Variants in SLC25A13 observed in about 807,000 individuals in gnomAD.
SLC25A13 encodes the protein electrogenic aspartate/glutamate antiporter SLC25A13, mitochondrial.
Under a neutral mutation model 85.5 loss-of-function variants are expected in SLC25A13, and 70 were observed. The ratio of observed to expected loss-of-function variants is 0.82; its 90% confidence interval spans 0.68 to 1.00. The LOEUF (loss-of-function observed/expected upper bound fraction) is 1.00, where lower values mean the gene tolerates loss of function less well. Ranked by LOEUF, SLC25A13 falls within the 50% of genes least tolerant of loss-of-function variation. SLC25A13 has a pLI of 0.00. For synonymous variants in SLC25A13, 259 were observed against 288.7 expected (o/e 0.90, Z 1.04); for missense variants, 765 against 819.8 (o/e 0.93, Z 0.82).
intron 5 of SLC25A13, among the ~76,000 whole-genome samples, chr7:96,208,618 G>A (rs2116715960): frequency 6.6e-6 from 1 of 150,622 alleles, no homozygotes; most frequent in South Asian, 2.1e-4. Flanking sequence ...CCATTCTCCT[G>A]CCTCAGCCTC....
chr7:96,234,669 T>G (rs1796678154), intron 4 of SLC25A13, 133 bp downstream of exon 4: 1 of 665,136 alleles, frequency 1.5e-6, no homozygotes, highest in Non-Finnish European at 2.6e-6. Flanking sequence ...CATTGAAGTA[T>G]CTTTACTAAA....
At position 96,131,798 on chromosome 7, in the gene SLC25A13, T is replaced by A. The variant is rs781625058; in HGVS notation, c.1536A>T (p.Ala512=). The change falls in exon 15 of 18, where the codon GCA becomes GCT. Residue 512 remains alanine (A), a synonymous_variant. Coordinates refer to ENST00000265631, the MANE Select transcript of SLC25A13 (RefSeq NM_014251.3). ...PCYAHVKASF[A]NEDGQVSPGS... ...CTGGGCTAACCTGCCCATCTTCATTTGCAAAGGAAGCCTTCACATGAGCAT... is the reference window on the plus strand; with the variant it reads ...CTGGGCTAACCTGCCCATCTTCATTAGCAAAGGAAGCCTTCACATGAGCAT... The A allele has an allele frequency of 6.2e-7, 1 of 1,613,996 alleles. No individual in the cohort carries two copies. The highest frequency in any genetic ancestry group is 1.3e-5 in the African/African-American group (1 of 74,922).
chr7:96,214,963 A>C (rs530100983), intron 4 of SLC25A13, among the ~76,000 whole-genome samples: 1 of 152,300 alleles, frequency 6.6e-6, no homozygotes, highest in South Asian at 2.1e-4. Context: ...TTAATTTTAA[A>C]ATGGCAATAC....
At chr7:96,308,108 G>A (rs911823292) in intron 1 of SLC25A13, among the ~76,000 whole-genome samples, 3 of 148,620 alleles carry the variant, frequency 2.0e-5, no homozygotes, top group Middle Eastern at 3.4e-3. Context: ...AGCCAAGATC[G>A]TGCCACTGCA....
chr7:96,223,251 G>T (rs554620520), intron 4 of SLC25A13, among the ~76,000 whole-genome samples: 107 of 152,252 alleles, frequency 7.0e-4, no homozygotes, highest in African/African-American at 2.4e-3. Context: ...ACCAACACTT[G>T]TAATGAAATT....
chr7:96,217,168 C>T (rs1795930105), intron 4 of SLC25A13, among the ~76,000 whole-genome samples: 1 of 152,136 alleles, frequency 6.6e-6, no homozygotes, highest in Admixed American at 6.5e-5. Context: ...AAATCAAAAC[C>T]ATGATGAGAT....
In SLC25A13 at chr7:96,208,891, C is replaced by T. The variant is rs1269555090; in HGVS notation, c.415G>A (p.Gly139Arg). 2 of 1,613,928 alleles carry T rather than the reference C, an allele frequency of 1.2e-6. No individual in the cohort carries two copies. Residue 139 changes from glycine to arginine, a missense_variant, in exon 5 of 18, where the codon GGA becomes AGA. By Grantham distance (125) the Gly-to-Arg change is moderately radical. Transcript: ENST00000265631. The part of the protein sequence containing the change: ...WDSEFVQLHF[G>R]KERKRHLTYA... ...GTCAGGTGTCTTTTTCTTTCTTTTC[C>T]AAAATGTAGTTGCACAAATTCTGAA...
chr7:96,220,711 C>T (rs1285747507), intron 4 of SLC25A13, among the ~76,000 whole-genome samples: 1 of 152,110 alleles, frequency 6.6e-6, no homozygotes, highest in Non-Finnish European at 1.5e-5. Context: ...CTGTTCTCTA[C>T]ACCTTCTTTC....
At position 96,304,877 on chromosome 7, in the gene SLC25A13, C is replaced by A. The variant is rs888000396; in HGVS notation, c.16-7926G>T. Among the ~76,000 whole-genome samples the A allele has an allele frequency of 2.0e-5, 3 of 152,190 alleles. No homozygotes were observed. In the South Asian group the frequency reaches 6.2e-4, roughly 31 times the overall value. On this transcript the variant is annotated intron_variant, in intron 1 of 17. Coordinates refer to ENST00000265631, the MANE Select transcript of SLC25A13 (RefSeq NM_014251.3). The stretch of plus-strand genomic sequence containing the variant: ...CTGACTTATCGACAAGTGGTTGGTA[C>A]AAAATGTATGATGATACATGCTATC...
chr7:96,164,229 T>C (rs1584396673), intron 13 of SLC25A13, among the ~76,000 whole-genome samples: 1 of 152,190 alleles, frequency 6.6e-6, no homozygotes, highest in East Asian at 1.9e-4. Context: ...ACTCACCTTC[T>C]TAAGTCTGAC....
At chr7:96,252,463 C>A (rs1797469792) in intron 3 of SLC25A13, among the ~76,000 whole-genome samples, 1 of 151,998 alleles carries the variant, frequency 6.6e-6, no homozygotes, top group South Asian at 2.1e-4. Flanking sequence ...ATTTGAGGGG[C>A]CTATTAGGTA....
intron 3 of SLC25A13, among the ~76,000 whole-genome samples, chr7:96,260,000 A>G (rs950395961): frequency 6.6e-6 from 1 of 151,382 alleles, no homozygotes; most frequent in Non-Finnish European, 1.5e-5. Flanking sequence ...TGGTAGTCGA[A>G]CAATGAGAAC....
intron 1 of SLC25A13, among the ~76,000 whole-genome samples, chr7:96,303,429 C>T (rs959810471): frequency 2.0e-5 from 3 of 152,148 alleles, no homozygotes; most frequent in Non-Finnish European, 4.4e-5. Context: ...CCTGCATAGT[C>T]TTTTGAACCT....
chr7:96,150,342 A>C (rs1412903461), intron 13 of SLC25A13, among the ~76,000 whole-genome samples: 1 of 152,146 alleles, frequency 6.6e-6, no homozygotes, highest in Non-Finnish European at 1.5e-5. Flanking sequence ...GAAGTCATGA[A>C]TATTCATTAA....
chr7:96,191,076 T>C (rs778699585), intron 7 of SLC25A13, 33 bp downstream of exon 7: 73 of 1,613,196 alleles, frequency 4.5e-5, no homozygotes, highest in Non-Finnish European at 6.1e-5. Context: ...CCACAATACT[T>C]GCAGGCTAGA....
At chr7:96,144,355 C>T (rs1792690097) in intron 14 of SLC25A13, among the ~76,000 whole-genome samples, 1 of 152,142 alleles carries the variant, frequency 6.6e-6, no homozygotes, top group Non-Finnish European at 1.5e-5. Flanking sequence ...CTGAATGTAG[C>T]TGATACTGAT....
At chr7:96,228,345 A>G (rs545075802) in intron 4 of SLC25A13, among the ~76,000 whole-genome samples, 1 of 152,340 alleles carries the variant, frequency 6.6e-6, no homozygotes, top group East Asian at 1.9e-4. Context: ...AAATACGCAC[A>G]TGACTGAAGA....
At chr7:96,225,562 GA>G (rs376902943) in intron 4 of SLC25A13, among the ~76,000 whole-genome samples, 5 of 146,048 alleles carry the variant, frequency 3.4e-5, no homozygotes, top group South Asian at 2.2e-4. Context: ...AACCAAGAAA[GA>G]AAAAAAAAAG....
At chr7:96,215,806 AT>A (rs1312397292) in intron 4 of SLC25A13, among the ~76,000 whole-genome samples, 19 of 152,270 alleles carry the variant, frequency 1.2e-4, no homozygotes, top group African/African-American at 3.9e-4. Flanking sequence ...AGAAAAAAAA[AT>A]AAATTATACT....
Sources: allele counts gnomAD v4.1 joint callset (sites outside exome capture counted in the v4.1 genomes callset), GRCh38; gene constraint gnomAD v4.1.1; transcripts MANE v1.5; gene names NCBI Gene and HGNC (gene_info 2026-07-23, HGNC 2026-07-21).